The following CACNA1C variants were observed in gnomAD, a reference collection of about 807,000 sequenced individuals.
CACNA1C encodes the protein calcium voltage-gated channel subunit alpha1 C, also known as voltage-dependent L-type calcium channel subunit alpha-1C.
CACNA1C carries 30 observed loss-of-function variants against 229.0 expected under a neutral mutation model. The observed-to-expected ratio is 0.13, with a 90% CI of 0.10 to 0.18. CACNA1C has a LOEUF of 0.18. CACNA1C is among the 10% of genes least tolerant of loss of function. The pLI is 1.00. For missense variants in CACNA1C, 1,658 were observed against 2,845.0 expected (o/e 0.58, Z 9.49); for synonymous variants, 1,114 against 1,132.5 (o/e 0.98, Z 0.33).
In CACNA1C at chr12:2,479,829, G is replaced by A. The variant is rs189567512; in HGVS notation, c.758-6275G>A. 8.5e-5 allele frequency among the ~76,000 whole-genome samples: 13 copies of A among 152,296 alleles called. No homozygotes were observed. The highest frequency in any genetic ancestry group is 7.7e-4 in the East Asian group (4 of 5,176). Reference sequence around the variant, plus strand: ...GTTTTCCCAGGCTTGAGGTTGACTCGCCATTTCTTTTCATCCAGGCTTTCC... The same window carrying A: ...GTTTTCCCAGGCTTGAGGTTGACTCACCATTTCTTTTCATCCAGGCTTTCC... On this transcript the variant is annotated intron_variant, in intron 5 of 46. Transcript: ENST00000399655. The surrounding 1 kb of genome is among the most constrained non-coding windows in gnomAD (Gnocchi z 4.3).
chr12:2,417,321 A>G (rs2098921159), intron 3 of CACNA1C, among the ~76,000 whole-genome samples: 1 of 152,110 alleles, frequency 6.6e-6, no homozygotes. Context: ...GCAGTCATTC[A>G]CCTTCACCTC....
chr12:2,259,739 G>A (rs538914732), intron 3 of CACNA1C, among the ~76,000 whole-genome samples: 37 of 152,336 alleles, frequency 2.4e-4, no homozygotes, highest in South Asian at 6.2e-4. Context: ...GTGCATTACA[G>A]CCTGGGCAAT....
chr12:2,097,199 G>A (rs1046834959), intron 1 of CACNA1C, among the ~76,000 whole-genome samples: 5 of 152,092 alleles, frequency 3.3e-5, no homozygotes, highest in Non-Finnish European at 5.9e-5. Flanking sequence ...AGGCTGGAGT[G>A]CAGTGGCGCG....
chr12:2,622,651 G>A (rs1181320063), intron 29 of CACNA1C, among the ~76,000 whole-genome samples: 1 of 152,198 alleles, frequency 6.6e-6, no homozygotes, highest in East Asian at 1.9e-4. Context: ...TGGCTAAGAG[G>A]TTCTTTGCTA....
chr12:2,472,276 T>C (rs2099597579), intron 5 of CACNA1C, among the ~76,000 whole-genome samples: 1 of 152,178 alleles, frequency 6.6e-6, no homozygotes, highest in African/African-American at 2.4e-5. Context: ...AGTATCTCAT[T>C]GGTCCCCGGG....
At chr12:2,147,149 C>T (rs566712800) in intron 3 of CACNA1C, among the ~76,000 whole-genome samples, 8 of 151,310 alleles carry the variant, frequency 5.3e-5, no homozygotes, top group African/African-American at 1.4e-4. Flanking sequence ...TTACAGCAAA[C>T]GAATCACTGA....
In CACNA1C at chr12:2,662,059, C is replaced by G. The variant is rs546694777; in HGVS notation, c.4233-2766C>G. 5.9e-4 allele frequency among the ~76,000 whole-genome samples: 89 copies of G among 151,934 alleles called. 2 individuals are homozygous for G. The highest frequency in any genetic ancestry group is 1.8e-3 in the Admixed American group (28 of 15,266). ...AGATCGAGACCATCCTGGCTAACAC[C>G]GTGAAACCCCGTCTCTACTAAAAAT... On this transcript the variant is annotated intron_variant, in intron 34 of 46. Transcript: ENST00000399655.
chr12:2,525,367 G>A (rs948963492), intron 9 of CACNA1C, among the ~76,000 whole-genome samples: 2 of 152,170 alleles, frequency 1.3e-5, no homozygotes, highest in Admixed American at 1.3e-4. Context: ...GGTCCTAAGG[G>A]CTGGCAGGCC....
At chr12:2,135,590 C>G (rs182652482) in intron 3 of CACNA1C, among the ~76,000 whole-genome samples, 2,081 of 135,422 alleles carry the variant, frequency 0.015, 205 homozygotes, top group Admixed American at 0.024. Flanking sequence ...TCTGCCCCTG[C>G]TGGGGGGTGC....
chr12:2,259,588 C>T (rs1242943839), intron 3 of CACNA1C, among the ~76,000 whole-genome samples: 1 of 152,076 alleles, frequency 6.6e-6, no homozygotes, highest in East Asian at 1.9e-4. Context: ...TGGTTGGGGA[C>T]GACTTATTTT....
At chr12:2,080,655 A>C (rs2065231369) in intron 1 of CACNA1C, among the ~76,000 whole-genome samples, 1 of 152,120 alleles carries the variant, frequency 6.6e-6, no homozygotes, top group Non-Finnish European at 1.5e-5. Context: ...GCATAATAAA[A>C]TAATAGTGCT....
chr12:2,023,616 G>A (rs1455770081), intron 1 of CACNA1C, among the ~76,000 whole-genome samples: 3 of 152,252 alleles, frequency 2.0e-5, no homozygotes, highest in African/African-American at 7.2e-5. Context: ...CACAAAAGCA[G>A]GCAGAGGTGC....
At chr12:2,413,511 A>T (rs1221926656) in intron 3 of CACNA1C, among the ~76,000 whole-genome samples, 4 of 152,150 alleles carry the variant, frequency 2.6e-5, no homozygotes, top group Non-Finnish European at 5.9e-5. Context: ...TTATTGGACC[A>T]GACATGTGTC....
chr12:2,183,576 A>AC (rs113414207), intron 3 of CACNA1C, among the ~76,000 whole-genome samples: 12,826 of 147,394 alleles, frequency 0.087, 1,274 homozygotes, highest in African/African-American at 0.25. Context: ...CTGGGGACAG[A>AC]CCCCCCCCCG....
chr12:2,125,216 G>A (rs938603198), intron 3 of CACNA1C, among the ~76,000 whole-genome samples: 1 of 152,120 alleles, frequency 6.6e-6, no homozygotes, highest in Non-Finnish European at 1.5e-5. Context: ...AAGAGGGGCT[G>A]GTTGGTAGTT....
chr12:2,242,192 CTT>C (rs975653895), intron 3 of CACNA1C, among the ~76,000 whole-genome samples: 6 of 152,202 alleles, frequency 3.9e-5, no homozygotes, highest in African/African-American at 1.4e-4. Context: ...CTGGGAGTCT[CTT>C]TGTCCTTCAG....
At chr12:2,211,227 A>T (rs1455344837) in intron 3 of CACNA1C, among the ~76,000 whole-genome samples, 1 of 152,202 alleles carries the variant, frequency 6.6e-6, no homozygotes, top group Non-Finnish European at 1.5e-5. Context: ...TCAAGGTCAG[A>T]TTTAATTTGG....
chr12:2,585,990 A>T lies in CACNA1C; in HGVS notation c.2530+86A>T, dbSNP rs1010798276. 1.4e-6 allele frequency: 1 copy of T among 727,922 alleles called. No homozygotes were observed. The allele number at this position is 727,922 out of a possible 1,614,324, so 45.1% of individuals were successfully genotyped here. ...AGCCACGTGGGAGTGGCCATATATT[A>T]GGGACCATGGTTCCAGTGTCCCTCT... On this transcript the variant is annotated intron_variant, in intron 18 of 46. Transcript: ENST00000399655. The surrounding 1 kb of genome is among the most constrained non-coding windows in gnomAD (Gnocchi z 4.1).
At chr12:2,231,975 A>G (rs1222082727) in intron 3 of CACNA1C, among the ~76,000 whole-genome samples, 1 of 152,208 alleles carries the variant, frequency 6.6e-6, no homozygotes, top group East Asian at 1.9e-4. Context: ...AGAATAGTGT[A>G]GAGTTCCCAT....
Sources: allele counts gnomAD v4.1 joint callset (sites outside exome capture counted in the v4.1 genomes callset), GRCh38; gene constraint gnomAD v4.1.1; non-coding constraint Gnocchi (gnomAD v3.1); transcripts MANE v1.5; gene names NCBI Gene and HGNC (gene_info 2026-07-23, HGNC 2026-07-21).